ANKRD13C: variants seen among roughly 807,000 people sequenced by gnomAD.
The protein encoded by ANKRD13C is ankyrin repeat domain-containing protein 13C.
In ANKRD13C, 16 loss-of-function variants were observed where a neutral mutation model predicts 65.5. The ratio of observed to expected loss-of-function variants is 0.24; its 90% CI spans 0.17 to 0.37. ANKRD13C has a LOEUF of 0.37. ANKRD13C is among the 10% of genes least tolerant of loss of function. ANKRD13C has a pLI of 1.00. For synonymous variants in ANKRD13C, 235 were observed against 238.7 expected, an observed-to-expected ratio of 0.98 and a Z score of 0.14; for missense variants, 503 against 655.9, an observed-to-expected ratio of 0.77 and a Z score of 2.55.
At chr1:70,292,732 T>C (rs1679913189) in intron 8 of ANKRD13C, among the ~76,000 whole-genome samples, 183 bp from the exon 9 acceptor site, 2 of 152,176 alleles carry the variant, frequency 1.3e-5, no homozygotes, top group Admixed American at 6.5e-5. Flanking sequence ...ATTCAATAAG[T>C]TGAAAAATAC....
intron 1 of ANKRD13C, among the ~76,000 whole-genome samples, chr1:70,352,922 G>T (rs917361077): frequency 4.6e-5 from 7 of 151,772 alleles, no homozygotes; most frequent in African/African-American, 1.5e-4. Context: ...AATCTTACTC[G>T]TTTTTTTTAT....
chr1:70,308,567 G>A (rs1452470985), intron 5 of ANKRD13C, among the ~76,000 whole-genome samples: 1 of 151,592 alleles, frequency 6.6e-6, no homozygotes, highest in Admixed American at 6.6e-5. Flanking sequence ...GTGAAACCCC[G>A]TCTTTACTAA....
At chr1:70,311,011 C>T (rs866946651) in intron 5 of ANKRD13C, among the ~76,000 whole-genome samples, 5 of 152,184 alleles carry the variant, frequency 3.3e-5, no homozygotes, top group African/African-American at 1.2e-4. Context: ...TAGAGACAAA[C>T]TAGCCTGATG....
intron 9 of ANKRD13C, among the ~76,000 whole-genome samples, chr1:70,286,164 C>T (rs1236554143): frequency 6.6e-6 from 1 of 152,012 alleles, no homozygotes; most frequent in Non-Finnish European, 1.5e-5. Context: ...TATACCTTAC[C>T]TAATTAAACC....
At chr1:70,266,493 G>C (rs1197693689) in intron 12 of ANKRD13C, among the ~76,000 whole-genome samples, 5 of 152,108 alleles carry the variant, frequency 3.3e-5, no homozygotes, top group Non-Finnish European at 4.4e-5. Flanking sequence ...TAAATGCCTA[G>C]CAAACTAATA....
In ANKRD13C at chr1:70,306,232, G is replaced by T. The variant is rs1680583011; in HGVS notation, c.768C>A (p.Ile256=). 1 of 1,567,970 alleles carries T rather than the reference G, an allele frequency of 6.4e-7. No individual in the cohort carries two copies. The highest frequency in any genetic ancestry group is 1.2e-5 in the South Asian group (1 of 81,452). The part of the protein sequence containing the change: ...SDACKIYKQG[I]NIRLDTTLID... Reference sequence around the variant, plus strand: ...AAATCAAATCACCTTACCTGATATTGATACCTTGTTTGTATATTTTACATG... The same window carrying T: ...AAATCAAATCACCTTACCTGATATTTATACCTTGTTTGTATATTTTACATG... Residue 256 remains isoleucine (I), a synonymous_variant, in exon 6 of 13, where the codon ATC becomes ATA. Transcript: ENST00000370944.
At chr1:70,329,957 G>T (rs1259751509) in intron 2 of ANKRD13C, among the ~76,000 whole-genome samples, 1 of 151,822 alleles carries the variant, frequency 6.6e-6, no homozygotes, top group Non-Finnish European at 1.5e-5. Flanking sequence ...CAGGGTGGTG[G>T]CACACACCTG....
chr1:70,273,072 G>A (rs1373422763), intron 11 of ANKRD13C, among the ~76,000 whole-genome samples: 4 of 151,908 alleles, frequency 2.6e-5, no homozygotes, highest in Non-Finnish European at 5.9e-5. Context: ...TCCTAGATAT[G>A]ACAAATTTTG....
In ANKRD13C at chr1:70,310,077, A is replaced by T. The variant is rs375337488; in HGVS notation, c.709+3668T>A. Among the ~76,000 whole-genome samples, 7 of 152,312 alleles carry T rather than the reference A, an allele frequency of 4.6e-5. No individual in the cohort carries two copies. The East Asian group carries it at 1.2e-3, about 25-fold the overall frequency. ...TTAGGGGTCGGTATTTCTGACTCCA[A>T]TTCAAAGCTTTTCTATACCTAAAAA... On this transcript the variant is annotated intron_variant, in intron 5 of 12. Coordinates refer to ENST00000370944, the MANE Select transcript of ANKRD13C (RefSeq NM_030816.5).
intron 3 of ANKRD13C, among the ~76,000 whole-genome samples, chr1:70,320,612 G>A (rs1284174596): frequency 6.6e-6 from 1 of 151,980 alleles, no homozygotes; most frequent in Non-Finnish European, 1.5e-5. Context: ...TGGGATTATA[G>A]GCATGCCCCA....
chr1:70,339,403 C>T (rs1682204372), intron 1 of ANKRD13C, among the ~76,000 whole-genome samples: 1 of 150,414 alleles, frequency 6.6e-6, no homozygotes, highest in African/African-American at 2.4e-5. Flanking sequence ...CTGTAACCTC[C>T]GCCTCCCGGG....
intron 12 of ANKRD13C, among the ~76,000 whole-genome samples, chr1:70,270,392 G>A (rs1253413749): frequency 6.6e-6 from 1 of 152,126 alleles, no homozygotes; most frequent in African/African-American, 2.4e-5. Flanking sequence ...TATAATTACT[G>A]AAAAACTTTA....
Position 70,354,683 on chromosome 1 carries a change from T to A in ANKRD13C, c.-275A>T. On this transcript the variant is annotated 5_prime_UTR_variant, in exon 1 of 13. In the 5' UTR this introduces an upstream ATG that the reference lacks. Coordinates refer to ENST00000370944, the MANE Select transcript of ANKRD13C (RefSeq NM_030816.5). The stretch of plus-strand genomic sequence containing the variant: ...CGCCGTCGCAGCCGCCGTCGCTGCC[T>A]TACACCGAAAAACAGGGCACGGCCA... 1.2e-6 allele frequency: 1 copy of A among 802,154 alleles called. No individual in the cohort carries two copies. The highest frequency in any genetic ancestry group is 1.9e-6 in the Non-Finnish European group (1 of 523,962). The allele number at this position is 802,154 out of a possible 1,614,324, so 49.7% of individuals were successfully genotyped here. A position where few individuals can be genotyped will look rare whatever the true frequency, so the allele number is the denominator to read the frequency against.
intron 1 of ANKRD13C, among the ~76,000 whole-genome samples, chr1:70,338,824 C>A (rs889276717): frequency 1.3e-5 from 2 of 152,166 alleles, no homozygotes; most frequent in Non-Finnish European, 2.9e-5. Flanking sequence ...TCAACATGAG[C>A]AAGTAACAAT....
In ANKRD13C at chr1:70,262,866, T is replaced by C. The variant is rs528399681; in HGVS notation, c.1496-19A>G. The C allele has an allele frequency of 5.0e-6, 8 of 1,590,500 alleles. No individual in the cohort carries two copies. The South Asian group carries it at 7.7e-5, about 15-fold the overall frequency. Reference sequence around the variant, plus strand: ...GGTATATCTACAGAGAGAACATCAATGATAGCATTGTAAAATCAAATGTTA... The same window carrying C: ...GGTATATCTACAGAGAGAACATCAACGATAGCATTGTAAAATCAAATGTTA... On this transcript the variant is annotated intron_variant, in intron 12 of 12. Transcript: ENST00000370944.
chr1:70,286,940 G>A (rs1438619123), intron 9 of ANKRD13C, among the ~76,000 whole-genome samples: 2 of 152,034 alleles, frequency 1.3e-5, no homozygotes, highest in Non-Finnish European at 2.9e-5. Context: ...AGCTGAGATC[G>A]TGCCACTGCA....
chr1:70,266,078 C>G (rs1678618779), intron 12 of ANKRD13C, among the ~76,000 whole-genome samples: 2 of 152,076 alleles, frequency 1.3e-5, no homozygotes, highest in South Asian at 2.1e-4. Context: ...ATTTCCATAA[C>G]CACATGTTGT....
chr1:70,267,879 G>A (rs1678701659), intron 12 of ANKRD13C, among the ~76,000 whole-genome samples: 1 of 152,016 alleles, frequency 6.6e-6, no homozygotes, highest in South Asian at 2.1e-4. Flanking sequence ...CAACTCAAGT[G>A]AAGTAAACTT....
chr1:70,311,253 G>A (rs1680837029), intron 5 of ANKRD13C, among the ~76,000 whole-genome samples: 1 of 152,118 alleles, frequency 6.6e-6, no homozygotes, highest in Non-Finnish European at 1.5e-5. Flanking sequence ...TACACTTTGG[G>A]AGGCCGAGGC....
Sources: gnomAD v4.1 joint callset for allele counts (sites outside exome capture counted in the v4.1 genomes callset) on GRCh38, gnomAD v4.1.1 for gene constraint, MANE v1.5 for transcripts, NCBI Gene and HGNC (gene_info 2026-07-23, HGNC 2026-07-21) for gene names.